Variants in MTUS1 observed in about 807,000 individuals in gnomAD.
The protein encoded by MTUS1 is microtubule-associated tumor suppressor 1.
MTUS1 carries 109 observed loss-of-function variants against 120.8 expected under a neutral mutation model. The observed-to-expected ratio is 0.90, with a 90% CI of 0.77 to 1.06. The LOEUF (loss-of-function observed/expected upper bound fraction) is 1.06. Among genes scored for constraint, MTUS1 ranks in the 50% least tolerant of loss-of-function variants. The pLI is 0.00. For missense variants in MTUS1, 2,210 were observed against 1,486.3 expected, an observed-to-expected ratio of 1.49 and a Z score of -8.01; for synonymous variants, 737 against 550.5, an observed-to-expected ratio of 1.34 and a Z score of -4.74.
At chr8:17,727,445 G>C (rs35513892) in intron 3 of MTUS1, among the ~76,000 whole-genome samples, 7 of 152,198 alleles carry the variant, frequency 4.6e-5, no homozygotes, top group Non-Finnish European at 8.8e-5. Flanking sequence ...ACAGAGTTCA[G>C]AATGGAGCTC....
intron 4 of MTUS1, 173 bp downstream of exon 4, chr8:17,723,499 G>T: frequency 2.9e-6 from 2 of 694,492 alleles, no homozygotes; most frequent in South Asian, 3.1e-5. Flanking sequence ...TATTTCAAGA[G>T]TGTTTTTCAA....
chr8:17,679,267 T>C (rs1415694158), intron 7 of MTUS1, among the ~76,000 whole-genome samples: 1 of 151,938 alleles, frequency 6.6e-6, no homozygotes, highest in Non-Finnish European at 1.5e-5. Flanking sequence ...AATGTATAGG[T>C]ATATCATGTA....
At chr8:17,721,135 C>T (rs1002117492) in intron 4 of MTUS1, among the ~76,000 whole-genome samples, 1 of 152,050 alleles carries the variant, frequency 6.6e-6, no homozygotes, top group Non-Finnish European at 1.5e-5. Context: ...AAGCGAGAAA[C>T]CAATATTTGT....
Position 17,743,737 on chromosome 8 carries a change from A to G in MTUS1, c.2154T>C (p.Gly718=), listed in dbSNP as rs1430905732. The change falls in exon 3 of 15, where the codon GGT becomes GGC. Residue 718 remains glycine (G), a synonymous_variant. Coordinates refer to ENST00000693296, the MANE Select transcript of MTUS1 (RefSeq NM_001363059.2). ...GRNISKPDSC[G]LRQIAAPKAK... ...CTTTTGGAGCAGCTATTTGCCTCAA[A>G]CCGCAGGAGTCAGGCTTGGATATAT... 1.9e-6 allele frequency: 3 copies of G among 1,613,988 alleles called. No individual in the cohort carries two copies. The highest frequency in any genetic ancestry group is 4.5e-5 in the East Asian group (2 of 44,888).
chr8:17,654,479 G>T, intron 10 of MTUS1, 82 bp downstream of exon 10: 2 of 1,012,704 alleles, frequency 2.0e-6, no homozygotes, highest in African/African-American at 1.6e-5. Flanking sequence ...GAAGCAGGAA[G>T]TTATGAATCA....
At chr8:17,774,009 C>T (rs1173485733) in intron 1 of MTUS1, among the ~76,000 whole-genome samples, 2 of 152,182 alleles carry the variant, frequency 1.3e-5, no homozygotes, top group Admixed American at 6.5e-5. Context: ...CATCTACATT[C>T]TCTCCTTTAG....
chr8:17,701,348 A>G (rs1819039847), intron 6 of MTUS1, among the ~76,000 whole-genome samples: 1 of 152,188 alleles, frequency 6.6e-6, no homozygotes, highest in African/African-American at 2.4e-5. Context: ...ACGAAGATAA[A>G]TTGTAATTAT....
intron 3 of MTUS1, among the ~76,000 whole-genome samples, chr8:17,730,579 G>C (rs2046504620): frequency 1.3e-5 from 2 of 151,562 alleles, no homozygotes; most frequent in Non-Finnish European, 2.9e-5. Context: ...AAATGTGGAA[G>C]CAACCCTACT....
chr8:17,717,522 G>C (rs1822573802), intron 4 of MTUS1, among the ~76,000 whole-genome samples: 1 of 152,150 alleles, frequency 6.6e-6, no homozygotes, highest in African/African-American at 2.4e-5. Flanking sequence ...AGCCGTATTT[G>C]ATTATATTCA....
intron 2 of MTUS1, among the ~76,000 whole-genome samples, chr8:17,744,752 G>C (rs1382965916): frequency 7.0e-6 from 1 of 143,610 alleles, no homozygotes; most frequent in Non-Finnish European, 1.5e-5. Flanking sequence ...CGCCATGTTG[G>C]TCAGGCTGGT....
At chr8:17,765,387 G>C (rs1287460678) in intron 1 of MTUS1, among the ~76,000 whole-genome samples, 1 of 152,094 alleles carries the variant, frequency 6.6e-6, no homozygotes, top group Non-Finnish European at 1.5e-5. Context: ...CCAGCACTTT[G>C]GGAGGCCGAG....
chr8:17,799,436 GT>G (rs1397621116), intron 1 of MTUS1, among the ~76,000 whole-genome samples: 1 of 151,988 alleles, frequency 6.6e-6, no homozygotes, highest in Non-Finnish European at 1.5e-5. Flanking sequence ...ATATTAACAA[GT>G]ATTTTCTTAA....
intron 1 of MTUS1, among the ~76,000 whole-genome samples, chr8:17,784,180 C>G (rs2051109507): frequency 6.6e-6 from 1 of 152,130 alleles, no homozygotes; most frequent in African/African-American, 2.4e-5. Context: ...GGCAAAATGG[C>G]AGTGTGGTTT....
In MTUS1 at chr8:17,753,744, C is replaced by G. The variant is rs753726925; in HGVS notation, c.2064G>C (p.Glu688Asp). ...KQELKQEIMNETFEYGSLFLG... is the reference protein window; with the variant it reads ...KQELKQEIMNDTFEYGSLFLG... ...AAAACAGAGAACCATATTCAAAAGT[C>G]TCATTCATAATCTCTTGTTTCAGCT... The change falls in exon 2 of 15, where the codon GAG becomes GAC. Residue 688 changes from glutamate (E) to aspartate (D), a missense_variant. Transcript: ENST00000693296. 2 of 1,606,868 alleles carry G rather than the reference C, an allele frequency of 1.2e-6. No homozygotes were observed. The highest frequency in any genetic ancestry group is 1.7e-6 in the Non-Finnish European group (2 of 1,178,054).
chr8:17,781,197 A>G (rs770956345), intron 1 of MTUS1, among the ~76,000 whole-genome samples: 10 of 152,216 alleles, frequency 6.6e-5, no homozygotes, highest in Non-Finnish European at 1.2e-4. Flanking sequence ...TAAAAGAAAT[A>G]CTACGTTTCA....
chr8:17,710,312 T>A (rs1246278706), intron 6 of MTUS1, among the ~76,000 whole-genome samples: 1 of 152,204 alleles, frequency 6.6e-6, no homozygotes, highest in Non-Finnish European at 1.5e-5. Flanking sequence ...GAGTCAATCC[T>A]CTCAAACCCT....
intron 1 of MTUS1, among the ~76,000 whole-genome samples, chr8:17,797,225 C>A (rs1436958272): frequency 6.6e-6 from 1 of 151,636 alleles, no homozygotes; most frequent in Non-Finnish European, 1.5e-5. Flanking sequence ...CCAGCCTGGG[C>A]AACATGGCAA....
At chr8:17,656,279 G>C (rs1414233505) in intron 8 of MTUS1, among the ~76,000 whole-genome samples, 1 of 152,080 alleles carries the variant, frequency 6.6e-6, no homozygotes, top group East Asian at 1.9e-4. Context: ...TGTAATCCCA[G>C]CACTTTGGGA....
At chr8:17,793,601 A>T (rs2051978557) in intron 1 of MTUS1, among the ~76,000 whole-genome samples, 1 of 152,196 alleles carries the variant, frequency 6.6e-6, no homozygotes, top group African/African-American at 2.4e-5. Flanking sequence ...TTTAGACCCT[A>T]TCCTTAAGGA....
Sources: gnomAD v4.1 joint callset for allele counts (sites outside exome capture counted in the v4.1 genomes callset) on GRCh38, gnomAD v4.1.1 for gene constraint, MANE v1.5 for transcripts, NCBI Gene and HGNC (gene_info 2026-07-23, HGNC 2026-07-21) for gene names.